The following CA10 variants were observed in gnomAD, a reference collection of about 807,000 sequenced individuals.
The protein encoded by CA10 is carbonic anhydrase-related protein 10.
CA10 carries 14 observed loss-of-function variants against 44.2 expected under a neutral mutation model. The ratio of observed to expected loss-of-function variants is 0.32; its 90% confidence interval spans 0.21 to 0.50. The LOEUF (loss-of-function observed/expected upper bound fraction) is 0.50, where lower values mean the gene tolerates loss of function less well. Among genes scored for constraint, CA10 ranks in the 20% least tolerant of loss-of-function variants. The pLI, the probability that CA10 is intolerant of heterozygous loss-of-function variation, is 0.99. For missense variants in CA10, 350 were observed against 409.7 expected (o/e 0.85, Z 1.26); for synonymous variants, 159 against 141.6 (o/e 1.12, Z -0.87).
intron 4 of CA10, among the ~76,000 whole-genome samples, chr17:51,661,337 G>A (rs1462697116): frequency 6.6e-6 from 1 of 152,194 alleles, no homozygotes; most frequent in African/African-American, 2.4e-5. Flanking sequence ...ACTGGTTAAA[G>A]AACAGTCTGG....
chr17:52,129,302 C>A (rs904436722), intron 1 of CA10, among the ~76,000 whole-genome samples: 3 of 152,194 alleles, frequency 2.0e-5, no homozygotes, highest in African/African-American at 7.2e-5. Context: ...TAGCAGGGAA[C>A]AAACATATTG....
chr17:51,796,845 A>T (rs1285861100), intron 3 of CA10, among the ~76,000 whole-genome samples: 4 of 152,188 alleles, frequency 2.6e-5, no homozygotes, highest in Non-Finnish European at 1.5e-5. Flanking sequence ...TGGAGAGGTC[A>T]CAGCAAAGCC....
chr17:52,131,006 A>G (rs6504758), intron 1 of CA10, among the ~76,000 whole-genome samples: 103,671 of 151,934 alleles, frequency 0.68, 37,018 homozygotes, highest in African/African-American at 0.9. Context: ...GTGAGGTAAT[A>G]CATATGTATA....
intron 6 of CA10, among the ~76,000 whole-genome samples, chr17:51,643,393 T>G (rs1913180816): frequency 6.6e-6 from 1 of 152,180 alleles, no homozygotes; most frequent in African/African-American, 2.4e-5. Context: ...GGAAAATCTA[T>G]TTTTCAATGT....
intron 3 of CA10, among the ~76,000 whole-genome samples, chr17:51,784,881 G>GT (rs769301324): frequency 2.6e-5 from 4 of 152,060 alleles, no homozygotes; most frequent in African/African-American, 7.2e-5. Context: ...TTTCATTCTA[G>GT]TTTTTTTGTA....
intron 3 of CA10, among the ~76,000 whole-genome samples, chr17:51,820,584 T>C (rs147273010): frequency 1.8e-4 from 28 of 152,142 alleles, no homozygotes; most frequent in African/African-American, 6.3e-4. Context: ...TTTCCACTTA[T>C]ACCTGAAGAC....
chr17:52,132,350 G>A (rs1237581743), intron 1 of CA10, among the ~76,000 whole-genome samples: 1 of 152,128 alleles, frequency 6.6e-6, no homozygotes, highest in Non-Finnish European at 1.5e-5. Context: ...AGATGTGGCA[G>A]ACAGTAAAGC....
intron 1 of CA10, among the ~76,000 whole-genome samples, chr17:52,120,624 A>T (rs1480951869): frequency 2.0e-5 from 3 of 152,150 alleles, no homozygotes; most frequent in Non-Finnish European, 4.4e-5. Flanking sequence ...TTTATGCCAG[A>T]TGTCTTTGTG....
At chr17:51,658,061 A>C (rs1413929452) in intron 4 of CA10, among the ~76,000 whole-genome samples, 6 of 152,234 alleles carry the variant, frequency 3.9e-5, no homozygotes, top group Non-Finnish European at 5.9e-5. Context: ...GAAATGCAAG[A>C]CTGAGAAATG....
At chr17:51,636,066 TGACA>T (rs199685820) in intron 6 of CA10, 57 bp from the exon 7 acceptor site, 1 of 1,024,510 alleles carries the variant, frequency 9.8e-7, no homozygotes, top group Non-Finnish European at 1.4e-6. Flanking sequence ...ATGGTATTGC[TGACA>T]TACATACATA....
chr17:52,146,255 T>TA (rs199957700), intron 1 of CA10, among the ~76,000 whole-genome samples: 30 of 148,964 alleles, frequency 2.0e-4, no homozygotes, highest in South Asian at 8.5e-4. Context: ...AGTATGATAA[T>TA]AAAAAAAAAA....
intron 1 of CA10, chr17:52,134,847 T>G (rs768836024): frequency 1.9e-6 from 1 of 518,906 alleles, no homozygotes; most frequent in South Asian, 1.4e-5. Flanking sequence ...ACCCCATGCA[T>G]GAGCCAGAAC....
chr17:51,994,534 G>C (rs1423759383), intron 2 of CA10, among the ~76,000 whole-genome samples: 1 of 151,972 alleles, frequency 6.6e-6, no homozygotes, highest in South Asian at 2.1e-4. Flanking sequence ...GGAGAGGTAG[G>C]CTGGAAGGCT....
intron 1 of CA10, among the ~76,000 whole-genome samples, chr17:52,152,249 G>A (rs1371805315): frequency 6.6e-6 from 1 of 152,030 alleles, no homozygotes; most frequent in Non-Finnish European, 1.5e-5. Context: ...TTTTAACAAA[G>A]AATCCATTGA....
At position 51,894,346 on chromosome 17, in the gene CA10, A is replaced by G. The variant is rs144853115; in HGVS notation, c.279+36644T>C. Among the ~76,000 whole-genome samples, 186 of 152,212 alleles carry G rather than the reference A, an allele frequency of 1.2e-3. 3 individuals are homozygous for G. The South Asian group carries it at 0.022, about 18-fold the overall frequency. On this transcript the variant is annotated intron_variant, in intron 3 of 8. Coordinates refer to ENST00000451037, the MANE Select transcript of CA10 (RefSeq NM_020178.5). ...AATAGCTTCCTGAATAAACTGGTGA[A>G]TCATCTGTGAGAGGTTTCCAGAGTG...
At chr17:51,977,491 A>G (rs928138524) in intron 2 of CA10, among the ~76,000 whole-genome samples, 1 of 152,100 alleles carries the variant, frequency 6.6e-6, no homozygotes, top group Non-Finnish European at 1.5e-5. Context: ...AAAACTAAAC[A>G]GTCAATCATG....
chr17:51,867,030 T>C (rs1470711907), intron 3 of CA10, among the ~76,000 whole-genome samples: 1 of 152,112 alleles, frequency 6.6e-6, no homozygotes, highest in Non-Finnish European at 1.5e-5. Context: ...GGTTTATTTC[T>C]GTTTGATTGG....
intron 4 of CA10, among the ~76,000 whole-genome samples, chr17:51,669,137 G>A (rs9892093): frequency 0.19 from 29,666 of 152,222 alleles, 3,384 homozygotes; most frequent in African/African-American, 0.31. Flanking sequence ...GTGCAGGCGC[G>A]GGACCAGATG....
At chr17:51,897,030 C>T (rs994735504) in intron 3 of CA10, among the ~76,000 whole-genome samples, 1 of 152,156 alleles carries the variant, frequency 6.6e-6, no homozygotes, top group Non-Finnish European at 1.5e-5. Context: ...TCTCTGTTTA[C>T]TCTGTTGATA....
Sources: allele counts gnomAD v4.1 joint callset (sites outside exome capture counted in the v4.1 genomes callset), GRCh38; gene constraint gnomAD v4.1.1; transcripts MANE v1.5; gene names NCBI Gene and HGNC (gene_info 2026-07-23, HGNC 2026-07-21).